OTOG: variants seen among roughly 807,000 people sequenced by gnomAD.
OTOG encodes the protein otogelin.
Under a neutral mutation model 313.8 loss-of-function variants are expected in OTOG, and 296 were observed. The observed-to-expected ratio is 0.94, with a 90% CI of 0.86 to 1.04. The LOEUF (loss-of-function observed/expected upper bound fraction) is 1.04. Among genes scored for constraint, OTOG ranks in the 50% least tolerant of loss-of-function variants. The pLI, the probability that OTOG is intolerant of heterozygous loss-of-function variation, is 0.00. For synonymous variants in OTOG, 1,533 were observed against 1,554.9 expected, an observed-to-expected ratio of 0.99 and a Z score of 0.33; for missense variants, 3,948 against 3,840.1, an observed-to-expected ratio of 1.03 and a Z score of -0.74.
intron 30 of OTOG, 131 bp downstream of exon 30, chr11:17,597,138 G>A (rs118115441): frequency 6.6e-4 from 791 of 1,205,644 alleles, no homozygotes; most frequent in Middle Eastern, 1.2e-3. Context: ...TGCTTTGGGC[G>A]TGTTATTCAT....
chr11:17,608,419 A>T lies in OTOG; in HGVS notation c.4274+6A>T. 1.3e-6 allele frequency: 2 copies of T among 1,525,590 alleles called. No homozygotes were observed. The highest frequency in any genetic ancestry group is 4.1e-5 in the Admixed American group (2 of 48,230). The allele number at this position is 1,525,590 out of a possible 1,614,324, so 94.5% of individuals were successfully genotyped here. A position where few individuals can be genotyped will look rare whatever the true frequency, so the allele number is the denominator to read the frequency against. On this transcript the variant is annotated splice_donor_region_variant and intron_variant, in intron 34 of 55. Transcript: ENST00000399397. ...AGCTGCCGGGACGTACCCAGGTGAGATGCCAGGGGCTGTGGGCATGGAGCC... is the reference window on the plus strand; with the variant it reads ...AGCTGCCGGGACGTACCCAGGTGAGTTGCCAGGGGCTGTGGGCATGGAGCC...
At chr11:17,620,350 T>C (rs1853833618) in intron 39 of OTOG, among the ~76,000 whole-genome samples, 1 of 152,236 alleles carries the variant, frequency 6.6e-6, no homozygotes, top group South Asian at 2.1e-4. Flanking sequence ...TATCTGACCT[T>C]TTGTGTCTGG....
intron 24 of OTOG, among the ~76,000 whole-genome samples, chr11:17,588,324 T>C (rs1162364739): frequency 2.0e-5 from 3 of 152,140 alleles, no homozygotes; most frequent in African/African-American, 7.2e-5. Flanking sequence ...GTGCTGGAGA[T>C]GTGTTGCGCT....
intron 23 of OTOG, among the ~76,000 whole-genome samples, chr11:17,580,479 T>C (rs564411410): frequency 6.6e-6 from 1 of 152,362 alleles, no homozygotes; most frequent in Non-Finnish European, 1.5e-5. Context: ...GAGAGGGTAC[T>C]TTGCAAATTG....
intron 54 of OTOG, among the ~76,000 whole-genome samples, chr11:17,644,201 C>T (rs1451818073): frequency 6.6e-6 from 1 of 152,258 alleles, no homozygotes; most frequent in Non-Finnish European, 1.5e-5. Flanking sequence ...ACCTGGCACC[C>T]ACCAATGCCT....
intron 42 of OTOG, 104 bp from the exon 43 acceptor site, chr11:17,633,576 T>G: frequency 9.2e-7 from 1 of 1,089,618 alleles, no homozygotes; most frequent in Non-Finnish European, 1.3e-6. Context: ...GAGGTGCTGA[T>G]GACACTCTGA....
chr11:17,598,136 T>A (rs1853157880), intron 30 of OTOG, among the ~76,000 whole-genome samples: 1 of 152,228 alleles, frequency 6.6e-6, no homozygotes, highest in Non-Finnish European at 1.5e-5. Context: ...CCAGGCCTTG[T>A]GCCTATGTGC....
chr11:17,558,511 G>T, intron 9 of OTOG, 27 bp from the exon 10 acceptor site: 5 of 1,549,906 alleles, frequency 3.2e-6, no homozygotes, highest in Non-Finnish European at 4.4e-6. Flanking sequence ...CCAGCCCCTA[G>T]CCCTGGCTCC....
intron 53 of OTOG, 107 bp from the exon 54 acceptor site, chr11:17,643,354 G>A: frequency 1.4e-6 from 1 of 715,158 alleles, no homozygotes; most frequent in Non-Finnish European, 2.0e-6. Context: ...GCATCACGGG[G>A]AGAGAAGAGT....
chr11:17,632,099 G>A lies in OTOG; in HGVS notation c.6945G>A (p.Glu2315=), dbSNP rs1321124161. 6.4e-7 allele frequency: 1 copy of A among 1,550,894 alleles called. No homozygotes were observed. Residue 2315 remains glutamate, a synonymous_variant, in exon 42 of 56, where the codon GAG becomes GAA. Transcript: ENST00000399397. ...ATGCATATGTCCAGGTGCCTCCGGA[G>A]TCATTCTGTGAGCTGTGGATCCGGG... is the stretch of plus-strand genomic sequence containing the variant. ...FSACHRFVPP[E]SFCELWIRDT...
intron 39 of OTOG, among the ~76,000 whole-genome samples, chr11:17,627,048 A>G (rs1478535959): frequency 6.6e-6 from 1 of 152,172 alleles, no homozygotes; most frequent in Non-Finnish European, 1.5e-5. Flanking sequence ...CAAATATAAG[A>G]TTATATCGTC....
chr11:17,557,293 G>C lies in OTOG; in HGVS notation c.835G>C (p.Asp279His), dbSNP rs1480636543. 6.4e-7 allele frequency: 1 copy of C among 1,550,452 alleles called. No homozygotes were observed. The highest frequency in any genetic ancestry group is 8.7e-7 in the Non-Finnish European group (1 of 1,147,018). ...TGGGCTGTGTGGGAACAACAATGCTGACCCCAAGGATGATCTGGTGACCAG... is the reference window on the plus strand; with the variant it reads ...TGGGCTGTGTGGGAACAACAATGCTCACCCCAAGGATGATCTGGTGACCAG... ...THGLCGNNNA[D>H]PKDDLVTSSG... Residue 279 changes from aspartate (D) to histidine (H), a missense_variant, in exon 8 of 56, where the codon GAC (aspartate) becomes CAC (histidine). Transcript: ENST00000399397.
At position 17,576,591 on chromosome 11, in the gene OTOG, A is replaced by G; in HGVS notation, c.2522A>G (p.Tyr841Cys). Reference sequence around the variant, plus strand: ...TCCTGCCACTTCCAGGGAGTGGACTATCCCCCCGGAGACAGTGACATCCCA... The same window carrying G: ...TCCTGCCACTTCCAGGGAGTGGACTGTCCCCCCGGAGACAGTGACATCCCA... ...QCSCHFQGVD[Y>C]PPGDSDIPSL... Residue 841 changes from tyrosine to cysteine, a missense_variant, in exon 21 of 56, where the codon TAT becomes TGT. Transcript: ENST00000399397. 3 of 1,550,488 alleles carry G rather than the reference A, an allele frequency of 1.9e-6. No homozygotes were observed. The highest frequency in any genetic ancestry group is 1.2e-5 in the South Asian group (1 of 84,044).
In OTOG at chr11:17,574,913, G is replaced by GT. The variant is rs1296385498; in HGVS notation, c.2486+2dup. 7.3e-6 allele frequency: 11 copies of GT among 1,500,126 alleles called. No homozygotes were observed. Among genetic ancestry groups the GT allele is most frequent in the Non-Finnish European group, 8.9e-7 (1 of 1,119,350 alleles). 92.9% of individuals were successfully genotyped at this position (1,500,126 alleles called of 1,614,324 possible). On this transcript the variant is annotated splice_donor_variant, in intron 20 of 55. Coordinates refer to ENST00000399397, the MANE Select transcript of OTOG (RefSeq NM_001292063.2). LOFTEE classifies it high-confidence loss of function. ...CCCAGGCTGACCTCTGTGTCCCCCG[G>GT]TGAGTGGGTCAGCTTGATCTCTGAG...
chr11:17,628,264 A>T (rs997246820), intron 39 of OTOG, among the ~76,000 whole-genome samples: 4 of 151,930 alleles, frequency 2.6e-5, no homozygotes, highest in Non-Finnish European at 4.4e-5. Context: ...TTGTGTTTCC[A>T]TTATCATTTG....
At chr11:17,604,539 G>T (rs575116693) in intron 32 of OTOG, among the ~76,000 whole-genome samples, 1 of 152,218 alleles carries the variant, frequency 6.6e-6, no homozygotes, top group Admixed American at 6.5e-5. Context: ...CTCATCCGCC[G>T]TCAGTGTGAC....
At chr11:17,549,228 TC>T (rs1175447160) in intron 3 of OTOG, among the ~76,000 whole-genome samples, 1 of 152,008 alleles carries the variant, frequency 6.6e-6, no homozygotes, top group Non-Finnish European at 1.5e-5. Flanking sequence ...TGCAGCTAGG[TC>T]CCCCAAAGCA....
chr11:17,557,080 G>T (rs1174605127), intron 7 of OTOG, 38 bp from the exon 8 acceptor site: 11 of 1,540,794 alleles, frequency 7.1e-6, no homozygotes, highest in Non-Finnish European at 9.6e-6. Flanking sequence ...TAGTGGAGGT[G>T]TTGTGGATAC....
At chr11:17,593,387 A>ATGT in intron 26 of OTOG, 60 bp downstream of exon 26, 1 of 1,534,236 alleles carries the variant, frequency 6.5e-7, no homozygotes, top group Non-Finnish European at 8.8e-7. Flanking sequence ...GGGTTGGGGC[A>ATGT]GAAGAGGGCT....
Sources: allele counts gnomAD v4.1 joint callset (sites outside exome capture counted in the v4.1 genomes callset), GRCh38; gene constraint gnomAD v4.1.1; transcripts MANE v1.5; gene names NCBI Gene and HGNC (gene_info 2026-07-23, HGNC 2026-07-21).